Variants in WWOX observed in about 807,000 individuals in gnomAD.
WWOX encodes WW domain containing oxidoreductase.
A neutral mutation model predicts 46.2 loss-of-function variants in WWOX; 69 were observed. The ratio of observed to expected loss-of-function variants is 1.49; its 90% CI spans 1.23 to 1.82. The LOEUF (loss-of-function observed/expected upper bound fraction) is 1.82, where lower values mean the gene tolerates loss of function less well. WWOX is among the 40% of genes most tolerant of loss of function. WWOX has a pLI of 0.00. For synonymous variants in WWOX, 359 were observed against 202.6 expected, an observed-to-expected ratio of 1.77 and a Z score of -6.56; for missense variants, 919 against 542.6, an observed-to-expected ratio of 1.69 and a Z score of -6.89.
chr16:78,525,391 TA>T (rs1335402658), intron 8 of WWOX: 1 of 151,846 alleles, frequency 6.6e-6, no homozygotes, highest in East Asian at 1.9e-4. Flanking sequence ...TTCACCATGC[TA>T]ACCAGGATGG....
At chr16:78,899,513 A>T (rs896406171) in intron 8 of WWOX, 2 of 152,202 alleles carry the variant, frequency 1.3e-5, no homozygotes, top group African/African-American at 2.4e-5. Flanking sequence ...AATGTTAGTT[A>T]TTATTTTAAT....
chr16:78,801,665 C>T (rs2050893839), intron 8 of WWOX, among the ~76,000 whole-genome samples: 1 of 152,164 alleles, frequency 6.6e-6, no homozygotes, highest in Admixed American at 6.5e-5. Context: ...AAGTTATCCA[C>T]AGAGTTTTAA....
rs551070876 is a variant in WWOX, at chr16:79,145,594, CATT to C, written c.1057-66010_1057-66008del. ...TATTCATGATAGCTGTCAATTGTCA[CATT>C]ATTTTAGAAGTTTTAACAAATACAG... On this transcript the variant is annotated intron_variant, in intron 8 of 8. Transcript: ENST00000566780. Among the ~76,000 whole-genome samples the C allele has an allele frequency of 1.4e-3, 208 of 152,270 alleles. 1 individual carries two copies. Among genetic ancestry groups the C allele is most frequent in the African/African-American group, 4.8e-3 (198 of 41,548 alleles).
At chr16:78,934,945 C>G (rs751542398) in intron 8 of WWOX, among the ~76,000 whole-genome samples, 2 of 152,088 alleles carry the variant, frequency 1.3e-5, no homozygotes, top group African/African-American at 4.8e-5. Context: ...ACAAAGAATA[C>G]AAACATTAGA....
At chr16:78,421,965 C>A (rs1168723099) in intron 6 of WWOX, among the ~76,000 whole-genome samples, 1 of 151,948 alleles carries the variant, frequency 6.6e-6, no homozygotes, top group Non-Finnish European at 1.5e-5. Context: ...TATATATTCC[C>A]ACCAACTTTA....
chr16:79,094,328 G>T (rs547473539), intron 8 of WWOX, among the ~76,000 whole-genome samples: 5 of 149,644 alleles, frequency 3.3e-5, no homozygotes, highest in African/African-American at 1.2e-4. Context: ...ATCTCGGCTC[G>T]CTGCAAACTC....
chr16:78,795,097 G>C (rs756171648), intron 8 of WWOX, among the ~76,000 whole-genome samples: 10 of 152,184 alleles, frequency 6.6e-5, no homozygotes, highest in African/African-American at 9.7e-5. Flanking sequence ...TTCGAGGGTG[G>C]TGTTGGTGGT....
chr16:78,413,697 C>A (rs1177112393), intron 6 of WWOX, among the ~76,000 whole-genome samples: 2 of 151,544 alleles, frequency 1.3e-5, no homozygotes, highest in Non-Finnish European at 2.9e-5. Flanking sequence ...GGCTCAGAGG[C>A]CTGACACTGA....
chr16:78,336,618 C>T (rs1023721462), intron 5 of WWOX, among the ~76,000 whole-genome samples: 2 of 151,976 alleles, frequency 1.3e-5, no homozygotes, highest in Admixed American at 1.3e-4. Context: ...ACACAGTCCC[C>T]ATCTGTACTT....
intron 4 of WWOX, among the ~76,000 whole-genome samples, chr16:78,120,876 A>C (rs2033060461): frequency 6.6e-6 from 1 of 152,152 alleles, no homozygotes; most frequent in Non-Finnish European, 1.5e-5. Flanking sequence ...CACACTTCCC[A>C]ATTATGGACT....
intron 5 of WWOX, among the ~76,000 whole-genome samples, chr16:78,174,300 C>T (rs1208642022): frequency 6.6e-6 from 1 of 152,052 alleles, no homozygotes; most frequent in Non-Finnish European, 1.5e-5. Flanking sequence ...AAAGCAGAAA[C>T]TGCCTGATAA....
intron 8 of WWOX, among the ~76,000 whole-genome samples, chr16:78,795,436 G>T (rs901506503): frequency 1.3e-5 from 2 of 152,072 alleles, no homozygotes; most frequent in Non-Finnish European, 2.9e-5. Flanking sequence ...GGCTACCCAT[G>T]GACTACAACT....
intron 8 of WWOX, among the ~76,000 whole-genome samples, chr16:78,482,907 A>G (rs1235795939): frequency 6.6e-6 from 1 of 152,186 alleles, no homozygotes; most frequent in Non-Finnish European, 1.5e-5. Context: ...AAAGGCATGA[A>G]AAAGAAACAG....
At chr16:78,128,589 G>A (rs960363080) in intron 4 of WWOX, among the ~76,000 whole-genome samples, 3 of 152,146 alleles carry the variant, frequency 2.0e-5, no homozygotes, top group Admixed American at 1.3e-4. Context: ...AGACACAAAC[G>A]GGATGCTCCT....
At chr16:79,023,769 A>T (rs1173048209) in intron 8 of WWOX, among the ~76,000 whole-genome samples, 1 of 141,934 alleles carries the variant, frequency 7.0e-6, no homozygotes, top group East Asian at 2.1e-4. Context: ...AAATATGGTG[A>T]TACCCCATCT....
At chr16:78,336,899 C>A (rs1260702221) in intron 5 of WWOX, among the ~76,000 whole-genome samples, 1 of 152,114 alleles carries the variant, frequency 6.6e-6, no homozygotes, top group East Asian at 1.9e-4. Flanking sequence ...CTGCCTCAGC[C>A]TCCTGAGTAG....
At chr16:78,616,594 A>G (rs571929580) in intron 8 of WWOX, among the ~76,000 whole-genome samples, 191 of 151,214 alleles carry the variant, frequency 1.3e-3, no homozygotes, top group Non-Finnish European at 2.3e-3. Flanking sequence ...ACATGGTGAA[A>G]CCCTGTCTCT....
chr16:78,628,225 T>A (rs1472408486), intron 8 of WWOX, among the ~76,000 whole-genome samples: 1 of 152,206 alleles, frequency 6.6e-6, no homozygotes, highest in Non-Finnish European at 1.5e-5. Flanking sequence ...GTGGACGGTT[T>A]GGCCAACTAA....
At chr16:78,255,872 A>T (rs1172311883) in intron 5 of WWOX, among the ~76,000 whole-genome samples, 1 of 152,188 alleles carries the variant, frequency 6.6e-6, no homozygotes, top group Non-Finnish European at 1.5e-5. Context: ...GACCAGGCAC[A>T]GTGGCTCGCG....
Sources: gnomAD v4.1 joint callset for allele counts (sites outside exome capture counted in the v4.1 genomes callset) on GRCh38, gnomAD v4.1.1 for gene constraint, MANE v1.5 for transcripts, NCBI Gene and HGNC (gene_info 2026-07-23, HGNC 2026-07-21) for gene names.